Variants in ARHGAP24 observed in about 807,000 individuals in gnomAD.
The protein encoded by ARHGAP24 is Rho GTPase activating protein 24.
ARHGAP24 carries 50 observed loss-of-function variants against 76.4 expected under a neutral mutation model. The observed-to-expected ratio is 0.65, with a 90% confidence interval of 0.52 to 0.83. ARHGAP24 has a LOEUF of 0.83. Among genes scored for constraint, ARHGAP24 ranks in the 40% least tolerant of loss-of-function variants. The pLI, the probability that ARHGAP24 is intolerant of heterozygous loss-of-function variation, is 0.00. For synonymous variants in ARHGAP24, 345 were observed against 323.3 expected, an observed-to-expected ratio of 1.07 and a Z score of -0.72; for missense variants, 930 against 914.2, an observed-to-expected ratio of 1.02 and a Z score of -0.22.
intron 4 of ARHGAP24, among the ~76,000 whole-genome samples, chr4:85,941,757 T>C (rs1736958549): frequency 6.6e-6 from 1 of 152,144 alleles, no homozygotes; most frequent in Admixed American, 6.5e-5. Flanking sequence ...AAAAAATAAA[T>C]GAAAACCCCA....
rs547603376 is a variant in ARHGAP24, at chr4:85,644,980, A to G, written c.180+74259A>G. 3.3e-5 allele frequency among the ~76,000 whole-genome samples: 5 copies of G among 152,252 alleles called. No homozygotes were observed. In the East Asian group the frequency reaches 9.7e-4, roughly 29 times the overall value. On this transcript the variant is annotated intron_variant, in intron 2 of 9. Transcript: ENST00000395184. ...TGTAAAGACTGGGCTTCATGATGAT[A>G]GTCGTGAACGTGCTCTGTTACTTTA... is the stretch of plus-strand genomic sequence containing the variant.
Position 86,002,459 on chromosome 4 carries a change from A to G in ARHGAP24, c.*1737A>G, listed in dbSNP as rs1324599869. The G allele has an allele frequency of 6.6e-6, 1 of 152,158 alleles. No homozygotes were observed. The highest frequency in any genetic ancestry group is 1.5e-5 in the Non-Finnish European group (1 of 68,032). The allele number at this position is 152,158 out of a possible 1,614,324, so 9.4% of individuals were successfully genotyped here. ...AATTGATCTTAATAACTCTCCCTTC[A>G]TATCTTTTCACCTATTTCCAGTCCT... is the stretch of plus-strand genomic sequence containing the variant. On this transcript the variant is annotated 3_prime_UTR_variant, in exon 10 of 10. Coordinates refer to ENST00000395184, the MANE Select transcript of ARHGAP24 (RefSeq NM_001025616.3).
chr4:85,901,577 C>A (rs1390240145), intron 3 of ARHGAP24, among the ~76,000 whole-genome samples: 1 of 152,100 alleles, frequency 6.6e-6, no homozygotes, highest in East Asian at 1.9e-4. Context: ...CTATAGTTTG[C>A]CTTCTTGGGA....
intron 8 of ARHGAP24, chr4:85,990,466 T>C (rs1740256519): frequency 6.6e-6 from 1 of 151,834 alleles, no homozygotes; most frequent in South Asian, 2.1e-4. Flanking sequence ...ATAAAAGCTA[T>C]CTAGAATAGC....
intron 2 of ARHGAP24, among the ~76,000 whole-genome samples, chr4:85,590,701 C>G (rs1666317528): frequency 6.6e-6 from 1 of 152,048 alleles, no homozygotes; most frequent in Admixed American, 6.6e-5. Flanking sequence ...TCATTGAGTA[C>G]TTTCTGTCTG....
intron 2 of ARHGAP24, among the ~76,000 whole-genome samples, chr4:85,637,817 G>C (rs556036429): frequency 1.1e-3 from 160 of 151,716 alleles, no homozygotes; most frequent in African/African-American, 3.7e-3. Flanking sequence ...CAGTATTCCT[G>C]TTGTACAGGC....
intron 1 of ARHGAP24, among the ~76,000 whole-genome samples, chr4:85,514,875 C>A (rs1724431053): frequency 6.9e-6 from 1 of 145,092 alleles, no homozygotes; most frequent in Admixed American, 6.9e-5. Flanking sequence ...CAGAAGCTCC[C>A]AAGAGCAGAC....
At position 85,683,109 on chromosome 4, in the gene ARHGAP24, TG is replaced by T. The variant is rs1205882687; in HGVS notation, c.181-38769del. ...ATCAACTCTTAACTCTCTCAGTGTG[TG>T]GGGGGGTGGGGGGGGGGTGCGGGGG... is the stretch of plus-strand genomic sequence containing the variant. On this transcript the variant is annotated intron_variant, in intron 2 of 9. Transcript: ENST00000395184. 1.3e-3 allele frequency among the ~76,000 whole-genome samples: 23 copies of T among 17,482 alleles called. 1 individual carries two copies. In the East Asian group the frequency reaches 0.015, roughly 12 times the overall value. 11.5% of individuals were successfully genotyped at this position (17,482 alleles called of 152,430 possible). A position where few individuals can be genotyped will look rare whatever the true frequency, so the allele number is the denominator to read the frequency against.
intron 5 of ARHGAP24, among the ~76,000 whole-genome samples, chr4:85,963,807 G>C: frequency 6.6e-6 from 1 of 151,874 alleles, no homozygotes; most frequent in Non-Finnish European, 1.5e-5. Flanking sequence ...ATTGCCCTTT[G>C]CATTCAAATA....
intron 6 of ARHGAP24, 34 bp downstream of exon 6, chr4:85,972,202 T>C (rs371534029): frequency 1.9e-6 from 3 of 1,611,032 alleles, no homozygotes; most frequent in Non-Finnish European, 2.5e-6. Context: ...AATAAGCTTT[T>C]GTTTGGAATT....
chr4:85,567,845 A>T (rs1726907643), intron 1 of ARHGAP24, among the ~76,000 whole-genome samples: 1 of 152,174 alleles, frequency 6.6e-6, no homozygotes, highest in Admixed American at 6.5e-5. Flanking sequence ...AGTAAAACTT[A>T]ATTTTCCTCA....
intron 3 of ARHGAP24, among the ~76,000 whole-genome samples, chr4:85,800,306 C>T (rs983359376): frequency 6.6e-6 from 1 of 152,144 alleles, no homozygotes; most frequent in African/African-American, 2.4e-5. Context: ...GACAATGAAT[C>T]GGGCTTGAGA....
chr4:85,578,261 A>G (rs921152177), intron 2 of ARHGAP24, among the ~76,000 whole-genome samples: 6 of 152,232 alleles, frequency 3.9e-5, no homozygotes, highest in African/African-American at 1.2e-4. Context: ...TTGACCTGCC[A>G]TCATTCCATT....
At chr4:85,882,930 A>G (rs572768494) in intron 3 of ARHGAP24, among the ~76,000 whole-genome samples, 1 of 152,298 alleles carries the variant, frequency 6.6e-6, no homozygotes, top group East Asian at 1.9e-4. Context: ...TTAGTTCTCA[A>G]TTTACTACAC....
chr4:85,509,785 T>C (rs1374962537), intron 1 of ARHGAP24, among the ~76,000 whole-genome samples: 2 of 152,088 alleles, frequency 1.3e-5, no homozygotes, highest in Non-Finnish European at 2.9e-5. Flanking sequence ...AAGCTTTTCA[T>C]GTGATGTTTA....
At chr4:85,595,028 T>C (rs984377976) in intron 2 of ARHGAP24, among the ~76,000 whole-genome samples, 1 of 151,980 alleles carries the variant, frequency 6.6e-6, no homozygotes, top group Admixed American at 6.6e-5. Flanking sequence ...TTCACCATAT[T>C]GCTATTCTAC....
chr4:85,520,909 G>C (rs1251637151), intron 1 of ARHGAP24, among the ~76,000 whole-genome samples: 1 of 152,208 alleles, frequency 6.6e-6, no homozygotes, highest in Non-Finnish European at 1.5e-5. Context: ...CACTCAAATG[G>C]AGAGTACATT....
At chr4:85,696,853 G>A (rs1211176793) in intron 2 of ARHGAP24, among the ~76,000 whole-genome samples, 1 of 152,188 alleles carries the variant, frequency 6.6e-6, no homozygotes, top group African/African-American at 2.4e-5. Context: ...CAGAAATGGT[G>A]AGATAAAGGG....
chr4:85,546,458 A>G (rs1301988938), intron 1 of ARHGAP24, among the ~76,000 whole-genome samples: 1 of 152,224 alleles, frequency 6.6e-6, no homozygotes, highest in African/African-American at 2.4e-5. Flanking sequence ...TAGAAAATCT[A>G]TCCTACTAAT....
Sources: gnomAD v4.1 joint callset for allele counts (sites outside exome capture counted in the v4.1 genomes callset) on GRCh38, gnomAD v4.1.1 for gene constraint, MANE v1.5 for transcripts, NCBI Gene and HGNC (gene_info 2026-07-23, HGNC 2026-07-21) for gene names.